ASIC2: variants seen among roughly 807,000 people sequenced by gnomAD.
ASIC2 encodes the protein acid-sensing ion channel 2.
Under a neutral mutation model 57.3 loss-of-function variants are expected in ASIC2, and 25 were observed. The observed-to-expected ratio is 0.44, with a 90% CI of 0.32 to 0.61. The LOEUF (loss-of-function observed/expected upper bound fraction) is 0.61, where lower values mean the gene tolerates loss of function less well. Among genes scored for constraint, ASIC2 ranks in the 20% least tolerant of loss-of-function variants. ASIC2 has a pLI of 0.06. For synonymous variants in ASIC2, 319 were observed against 307.5 expected, an observed-to-expected ratio of 1.04 and a Z score of -0.39; for missense variants, 641 against 738.1, an observed-to-expected ratio of 0.87 and a Z score of 1.52.
At chr17:33,076,665 G>A (rs1598264843) in intron 3 of ASIC2, among the ~76,000 whole-genome samples, 1 of 152,130 alleles carries the variant, frequency 6.6e-6, no homozygotes, top group South Asian at 2.1e-4. Context: ...TAATACAAAC[G>A]GGACCACCTT....
At chr17:33,068,426 A>G (rs2092053043) in intron 3 of ASIC2, among the ~76,000 whole-genome samples, 1 of 152,270 alleles carries the variant, frequency 6.6e-6, no homozygotes, top group South Asian at 2.1e-4. Context: ...TCAGCTACTC[A>G]GGAGGCTGAG....
At chr17:33,667,303 C>A (rs1210693864) in intron 1 of ASIC2, among the ~76,000 whole-genome samples, 1 of 152,102 alleles carries the variant, frequency 6.6e-6, no homozygotes, top group Non-Finnish European at 1.5e-5. Context: ...TATGGGAGGG[C>A]AGGAGGGAGG....
chr17:33,578,695 A>G (rs1027304865), intron 1 of ASIC2, among the ~76,000 whole-genome samples: 3 of 152,110 alleles, frequency 2.0e-5, no homozygotes, highest in East Asian at 1.9e-4. Context: ...CCCTACACCA[A>G]CTCTACAACT....
chr17:33,583,316 T>C (rs1001269341), intron 1 of ASIC2, among the ~76,000 whole-genome samples: 12 of 122,580 alleles, frequency 9.8e-5, no homozygotes, highest in Admixed American at 9.2e-4. Flanking sequence ...ATTGATGAGA[T>C]TGTCAGTCAC....
chr17:33,362,727 A>C (rs1045417893), intron 1 of ASIC2, among the ~76,000 whole-genome samples: 7 of 152,130 alleles, frequency 4.6e-5, no homozygotes, highest in Non-Finnish European at 7.4e-5. Context: ...TTGTGTTTTC[A>C]CAAAATCCCT....
At chr17:33,574,958 A>G (rs1916571412) in intron 1 of ASIC2, among the ~76,000 whole-genome samples, 1 of 152,120 alleles carries the variant, frequency 6.6e-6, no homozygotes, top group South Asian at 2.1e-4. Context: ...AACCAATAAG[A>G]GTAGAAACTG....
At chr17:33,886,515 A>T (rs961120325) in intron 1 of ASIC2, among the ~76,000 whole-genome samples, 1 of 152,144 alleles carries the variant, frequency 6.6e-6, no homozygotes, top group African/African-American at 2.4e-5. Flanking sequence ...AAACACACAC[A>T]CATATACACA....
chr17:34,133,244 GC>G (rs1912043453), intron 1 of ASIC2, among the ~76,000 whole-genome samples: 1 of 152,082 alleles, frequency 6.6e-6, no homozygotes, highest in Non-Finnish European at 1.5e-5. Context: ...TTGCCTTCAA[GC>G]GTCTTTCTTT....
At chr17:33,274,554 CT>C in intron 1 of ASIC2, among the ~76,000 whole-genome samples, 1 of 152,298 alleles carries the variant, frequency 6.6e-6, no homozygotes, top group East Asian at 1.9e-4. Context: ...TGACTTGTTA[CT>C]TTTTTTGACA....
chr17:33,619,415 A>G (rs1905709101), intron 1 of ASIC2, among the ~76,000 whole-genome samples: 5 of 148,608 alleles, frequency 3.4e-5, no homozygotes. Flanking sequence ...TTTAAGGGGA[A>G]AAAAGGTGCA....
At chr17:33,508,712 A>T (rs959319929) in intron 1 of ASIC2, among the ~76,000 whole-genome samples, 1 of 152,228 alleles carries the variant, frequency 6.6e-6, no homozygotes, top group African/African-American at 2.4e-5. Flanking sequence ...AGGTTTGCTC[A>T]AGCTTGAAGC....
intron 1 of ASIC2, among the ~76,000 whole-genome samples, chr17:33,600,483 A>G (rs1022446413): frequency 6.6e-6 from 1 of 152,238 alleles, no homozygotes; most frequent in Admixed American, 6.5e-5. Flanking sequence ...GGCTATTGCT[A>G]TAACAAATAT....
chr17:33,536,021 A>G (rs919163273), intron 1 of ASIC2, among the ~76,000 whole-genome samples: 1 of 152,244 alleles, frequency 6.6e-6, no homozygotes, highest in Non-Finnish European at 1.5e-5. Context: ...CTGCTGCACC[A>G]CAAAGTGGCC....
At chr17:33,416,225 G>C (rs1910836078) in intron 1 of ASIC2, among the ~76,000 whole-genome samples, 1 of 152,180 alleles carries the variant, frequency 6.6e-6, no homozygotes, top group East Asian at 1.9e-4. Context: ...CAGAATCAAG[G>C]CTGAAGCTAA....
intron 1 of ASIC2, among the ~76,000 whole-genome samples, chr17:33,634,052 C>T (rs536070505): frequency 8.9e-4 from 136 of 152,342 alleles, no homozygotes; most frequent in African/African-American, 3.2e-3. Context: ...TGCTAGACCA[C>T]AGCTTGAACT....
chr17:33,838,644 G>T (rs566333728), intron 1 of ASIC2, among the ~76,000 whole-genome samples: 11 of 152,254 alleles, frequency 7.2e-5, no homozygotes, highest in East Asian at 1.9e-4. Flanking sequence ...TATTTTATTT[G>T]TGTGCCTCTG....
At chr17:34,012,791 G>A (rs1018142201) in intron 1 of ASIC2, among the ~76,000 whole-genome samples, 5 of 151,922 alleles carry the variant, frequency 3.3e-5, no homozygotes, top group African/African-American at 1.2e-4. Flanking sequence ...ATAAATGAAT[G>A]AATGAATGAG....
chr17:34,106,555 CATCT>C (rs953572740), intron 1 of ASIC2, among the ~76,000 whole-genome samples: 12 of 152,020 alleles, frequency 7.9e-5, no homozygotes, highest in African/African-American at 2.7e-4. Flanking sequence ...TCTATCTATC[CATCT>C]ATCTAATCTA....
intron 1 of ASIC2, among the ~76,000 whole-genome samples, chr17:33,468,645 A>G (rs569312781): frequency 2.0e-5 from 3 of 152,070 alleles, no homozygotes; most frequent in East Asian, 1.9e-4. Flanking sequence ...TTTATAATAT[A>G]AATTATATAT....
Sources: gnomAD v4.1 joint callset for allele counts (sites outside exome capture counted in the v4.1 genomes callset) on GRCh38, gnomAD v4.1.1 for gene constraint, MANE v1.5 for transcripts, NCBI Gene and HGNC (gene_info 2026-07-23, HGNC 2026-07-21) for gene names.